Variants in EFHC2 observed in about 807,000 individuals in gnomAD.
EFHC2 encodes EF-hand domain-containing family member C2.
In EFHC2, 18 loss-of-function variants were observed where a neutral mutation model predicts 52.7. The observed-to-expected ratio is 0.34, with a 90% CI of 0.24 to 0.51. The LOEUF is 0.51. EFHC2 is among the 20% of genes least tolerant of loss of function. EFHC2 has a pLI of 0.97. For synonymous variants in EFHC2, 203 were observed against 204.1 expected, an observed-to-expected ratio of 0.99 and a Z score of 0.04; for missense variants, 513 against 562.5, an observed-to-expected ratio of 0.91 and a Z score of 0.89.
chrX:44,292,140 T>G (rs1479204821), intron 2 of EFHC2, among the ~76,000 whole-genome samples: 3 of 111,558 alleles, frequency 2.7e-5, no homozygotes, highest in Admixed American at 9.5e-5. Context: ...ATATGTGTGT[T>G]TTTTTGTGTG....
At chrX:44,323,491 G>T (rs1323867986) in intron 1 of EFHC2, among the ~76,000 whole-genome samples, 3 of 111,798 alleles carry the variant, frequency 2.7e-5, no homozygotes, top group Non-Finnish European at 5.6e-5. Flanking sequence ...CTGAATTTGG[G>T]CAGAGTAAAA....
At chrX:44,321,708 C>T (rs1268508086) in intron 1 of EFHC2, among the ~76,000 whole-genome samples, 1 of 111,440 alleles carries the variant, frequency 9.0e-6, no homozygotes, top group South Asian at 3.8e-4. Context: ...GAAGACGAGG[C>T]TTGAGACTTG....
chrX:44,343,148 G>T (rs1043330749), intron 1 of EFHC2, among the ~76,000 whole-genome samples: 5 of 110,964 alleles, frequency 4.5e-5, no homozygotes, highest in African/African-American at 1.6e-4. Flanking sequence ...TCACCACTGA[G>T]ACTGTGTGGT....
chrX:44,234,760 G>A (rs186933188), intron 9 of EFHC2, among the ~76,000 whole-genome samples: 97 of 111,940 alleles, frequency 8.7e-4, no homozygotes, highest in Admixed American at 4.6e-3. Flanking sequence ...CCTCAGCAAT[G>A]ACAGTGGTAC....
At chrX:44,216,279 G>T (rs1434001661) in intron 11 of EFHC2, among the ~76,000 whole-genome samples, 1 of 112,175 alleles carries the variant, frequency 8.9e-6, no homozygotes, top group African/African-American at 3.2e-5. Context: ...TAACTTGGAA[G>T]ATTCTATAAC....
At chrX:44,339,397 G>A (rs5906925) in intron 1 of EFHC2, among the ~76,000 whole-genome samples, 10,918 of 110,692 alleles carry the variant, frequency 0.099, 804 homozygotes, top group African/African-American at 0.25. Context: ...GGAAATTGTT[G>A]GAAAAAAGAT....
intron 2 of EFHC2, among the ~76,000 whole-genome samples, chrX:44,304,556 T>A (rs2037890401): frequency 8.9e-6 from 1 of 111,818 alleles, no homozygotes; most frequent in African/African-American, 3.3e-5. Flanking sequence ...TGACTGGAAA[T>A]AACTGGCGTG....
intron 11 of EFHC2, among the ~76,000 whole-genome samples, chrX:44,182,341 C>T (rs1397710786): frequency 8.9e-6 from 1 of 112,417 alleles, no homozygotes; most frequent in African/African-American, 3.2e-5. Flanking sequence ...TCCACTCATA[C>T]ATACATGGAC....
intron 8 of EFHC2, among the ~76,000 whole-genome samples, chrX:44,239,130 A>T (rs2037341864): frequency 8.9e-6 from 1 of 111,961 alleles, no homozygotes; most frequent in African/African-American, 3.2e-5. Context: ...ATGGGGAAAC[A>T]TTTTTAAAAG....
rs1028656593 is a variant in EFHC2 at position 44,233,652 on chromosome X, G to C, written c.1424-975C>G. Among the ~76,000 whole-genome samples, 19 of 111,657 alleles carry C rather than the reference G, an allele frequency of 1.7e-4. No individual in the cohort carries two copies. In the Admixed American group the frequency reaches 1.8e-3, roughly 11 times the overall value. On this transcript the variant is annotated intron_variant, in intron 9 of 14. Coordinates refer to ENST00000420999, the MANE Select transcript of EFHC2 (RefSeq NM_025184.4). The stretch of plus-strand genomic sequence containing the variant: ...TCCGAGCTCTGTCATTTGTTCGCTC[G>C]CTGGGTGATCTTTAGGAGTTATTTA...
At chrX:44,208,196 G>C (rs1171287279) in intron 11 of EFHC2, among the ~76,000 whole-genome samples, 2 of 112,105 alleles carry the variant, frequency 1.8e-5, no homozygotes, top group African/African-American at 3.2e-5. Flanking sequence ...GTCCACTGTT[G>C]ATGGGCACCT....
intron 1 of EFHC2, among the ~76,000 whole-genome samples, chrX:44,316,010 A>T (rs1315782062): frequency 9.0e-6 from 1 of 111,375 alleles, no homozygotes; most frequent in Non-Finnish European, 1.9e-5. Context: ...TGGTATAAAG[A>T]TGAAGTCACA....
chrX:44,309,410 C>T, intron 2 of EFHC2: 1 of 1,002,608 alleles, frequency 1.0e-6, no homozygotes, highest in Non-Finnish European at 1.4e-6. Flanking sequence ...AGAAGTTAGT[C>T]TTTCAGTGAA....
At chrX:44,305,028 GA>G (rs1325819045) in intron 2 of EFHC2, among the ~76,000 whole-genome samples, 2 of 110,476 alleles carry the variant, frequency 1.8e-5, no homozygotes, top group African/African-American at 6.6e-5. Context: ...TTGGGAGGCT[GA>G]GGGGGGTGGA....
chrX:44,273,353 C>A (rs1352149686), intron 2 of EFHC2, among the ~76,000 whole-genome samples: 2 of 111,926 alleles, frequency 1.8e-5, no homozygotes, highest in African/African-American at 3.3e-5. Flanking sequence ...CCTTACACTT[C>A]GGGAACCTCA....
At chrX:44,221,750 T>C (rs964548829) in intron 11 of EFHC2, among the ~76,000 whole-genome samples, 3 of 111,796 alleles carry the variant, frequency 2.7e-5, no homozygotes, top group Non-Finnish European at 5.7e-5. Flanking sequence ...AATTAGAATT[T>C]TCACAATATT....
intron 6 of EFHC2, 40 bp downstream of exon 6, chrX:44,248,763 G>T: frequency 9.1e-7 from 1 of 1,100,660 alleles, no homozygotes; most frequent in Non-Finnish European, 1.2e-6. Flanking sequence ...TTCCAAAGAA[G>T]TCACACTAGA....
rs896056641 is a variant in EFHC2 at position 44,194,145 on chromosome X, C to A, written c.1752-15581G>T. 2.7e-5 allele frequency among the ~76,000 whole-genome samples: 3 copies of A among 111,928 alleles called. No individual in the cohort carries two copies. In the Admixed American group the frequency reaches 2.8e-4, roughly 11 times the overall value. ...AGGTCTCTCATGCCAGGAAATAAAT[C>A]AAAAAGGCAGAAATATAAGTCCATC... On this transcript the variant is annotated intron_variant, in intron 11 of 14. Coordinates refer to ENST00000420999, the MANE Select transcript of EFHC2 (RefSeq NM_025184.4).
chrX:44,253,742 CAGACCTCCCAGCACAGTGCTCG>C (rs1306795082), intron 4 of EFHC2, among the ~76,000 whole-genome samples: 1 of 112,169 alleles, frequency 8.9e-6, no homozygotes, highest in Non-Finnish European at 1.9e-5. Context: ...AAGAGAGCAG[CAGACCTCCCAGCACAGTGCTCG>C]AGCTCTGCTA....
Sources: allele counts gnomAD v4.1 joint callset (sites outside exome capture counted in the v4.1 genomes callset), GRCh38; gene constraint gnomAD v4.1.1; transcripts MANE v1.5; gene names NCBI Gene and HGNC (gene_info 2026-07-23, HGNC 2026-07-21).